Variants in SEC23A observed in about 807,000 individuals in gnomAD.
The protein encoded by SEC23A is protein transport protein Sec23A.
A neutral mutation model predicts 103.7 loss-of-function variants in SEC23A; 56 were observed. The ratio of observed to expected loss-of-function variants is 0.54; its 90% CI spans 0.44 to 0.67. The LOEUF (loss-of-function observed/expected upper bound fraction) is 0.67. Ranked by LOEUF, SEC23A falls within the 30% of genes least tolerant of loss-of-function variation. The pLI, the probability that SEC23A is intolerant of heterozygous loss-of-function variation, is 0.00. For missense variants in SEC23A, 784 were observed against 936.4 expected (o/e 0.84, Z 2.12); for synonymous variants, 281 against 293.0 (o/e 0.96, Z 0.42).
At chr14:39,092,762 G>C (rs546594285) in intron 3 of SEC23A, 135 bp from the exon 4 acceptor site, 5 of 618,970 alleles carry the variant, frequency 8.1e-6, no homozygotes, top group African/African-American at 1.9e-5. Flanking sequence ...ATAATTATTT[G>C]TATCTTTTTT....
At chr14:39,098,213 G>A (rs897312574) in intron 1 of SEC23A, among the ~76,000 whole-genome samples, 2 of 152,098 alleles carry the variant, frequency 1.3e-5, no homozygotes, top group Admixed American at 6.6e-5. Flanking sequence ...ATTCAGAGGA[G>A]AGTTAGAAGA....
At chr14:39,084,135 C>T (rs978815682) in intron 7 of SEC23A, among the ~76,000 whole-genome samples, 1 of 151,916 alleles carries the variant, frequency 6.6e-6, no homozygotes, top group Non-Finnish European at 1.5e-5. Context: ...GATTCTCCTG[C>T]CTCAGCCTCC....
intron 1 of SEC23A, among the ~76,000 whole-genome samples, chr14:39,102,383 A>C (rs778465609): frequency 6.6e-6 from 1 of 152,238 alleles, no homozygotes; most frequent in Non-Finnish European, 1.5e-5. Flanking sequence ...TGGACGGTAG[A>C]GGTTGAGGGA....
chr14:39,094,873 TAC>T, intron 2 of SEC23A: 1 of 622,952 alleles, frequency 1.6e-6, no homozygotes, highest in Non-Finnish European at 2.8e-6. Flanking sequence ...CAGAAATATA[TAC>T]AGAGGCTAGA....
rs59260008 is a variant in SEC23A at position 39,065,997 on chromosome 14, C to CAAAAAAAAAAAAAAAAAAAA, written c.1228-1024_1228-1005dup. On this transcript the variant is annotated intron_variant, in intron 10 of 19. Transcript: ENST00000307712. ...GGGCAATAAGAGCGAAACTCCATCTCAAAAAAAAAAAAAAAAAAAAAAAAA... is the reference window on the plus strand; with the variant it reads ...GGGCAATAAGAGCGAAACTCCATCTCAAAAAAAAAAAAAAAAAAAAAAAAAAAAAAAAAAAAAAAAAAAAA... Among the ~76,000 whole-genome samples the CAAAAAAAAAAAAAAAAAAAA allele has an allele frequency of 2.4e-4, 19 of 80,496 alleles. 1 individual carries two copies. Among genetic ancestry groups the CAAAAAAAAAAAAAAAAAAAA allele is most frequent in the Admixed American group, 5.8e-4 (4 of 6,936 alleles). 52.8% of individuals were successfully genotyped at this position (80,496 alleles called of 152,430 possible).
intron 13 of SEC23A, among the ~76,000 whole-genome samples, chr14:39,059,396 T>A (rs998600628): frequency 6.6e-6 from 1 of 150,736 alleles, no homozygotes; most frequent in Admixed American, 6.6e-5. Flanking sequence ...ATGCTATAAA[T>A]GGCACCATAA....
intron 14 of SEC23A, among the ~76,000 whole-genome samples, chr14:39,049,345 G>A (rs949183215): frequency 6.6e-6 from 1 of 151,534 alleles, no homozygotes; most frequent in Non-Finnish European, 1.5e-5. Context: ...GCATGGTGGT[G>A]CGCGCCTGTA....
intron 14 of SEC23A, among the ~76,000 whole-genome samples, chr14:39,050,407 G>A (rs533951705): frequency 1.2e-4 from 18 of 152,260 alleles, no homozygotes; most frequent in Middle Eastern, 3.4e-3. Flanking sequence ...TGACAAAAGC[G>A]GTATCTGTAA....
intron 15 of SEC23A, chr14:39,047,355 A>C (rs1357940748): frequency 7.8e-7 from 1 of 1,279,656 alleles, no homozygotes; most frequent in South Asian, 1.2e-5. Context: ...CAAAACAAAG[A>C]ATTTTACATG....
intron 7 of SEC23A, among the ~76,000 whole-genome samples, chr14:39,084,627 C>T (rs1173120163): frequency 6.6e-6 from 1 of 152,148 alleles, no homozygotes; most frequent in Admixed American, 6.6e-5. Context: ...CACACAGCTC[C>T]TAAAAGCCTT....
chr14:39,081,123 T>C (rs1887211378), intron 7 of SEC23A, among the ~76,000 whole-genome samples: 1 of 151,788 alleles, frequency 6.6e-6, no homozygotes, highest in Non-Finnish European at 1.5e-5. Flanking sequence ...GAGGACTGCT[T>C]GAGACCAGGA....
At chr14:39,045,126 G>A (rs770708421) in intron 16 of SEC23A, 37 bp downstream of exon 16, 5 of 1,590,448 alleles carry the variant, frequency 3.1e-6, no homozygotes, top group South Asian at 1.1e-5. Flanking sequence ...ACACATTGCA[G>A]TAACAAGACC....
intron 5 of SEC23A, among the ~76,000 whole-genome samples, chr14:39,087,227 T>C (rs1456442758): frequency 6.6e-6 from 1 of 152,168 alleles, no homozygotes; most frequent in Non-Finnish European, 1.5e-5. Context: ...AGGTGTTATA[T>C]AACCAAAGAG....
intron 14 of SEC23A, among the ~76,000 whole-genome samples, chr14:39,051,960 CCTT>C (rs1460800049): frequency 1.1e-5 from 1 of 89,878 alleles, no homozygotes; most frequent in East Asian, 4.0e-4. Context: ...AGGCGAGGCT[CCTT>C]CTCGAAAAAA....
chr14:39,101,154 AT>A (rs1379999320), intron 1 of SEC23A, among the ~76,000 whole-genome samples: 7 of 152,046 alleles, frequency 4.6e-5, no homozygotes, highest in East Asian at 3.9e-4. Flanking sequence ...ACTAGTCTTT[AT>A]TTTTTTTAAA....
intron 15 of SEC23A, among the ~76,000 whole-genome samples, chr14:39,046,204 C>CA (rs1291637455): frequency 1.3e-5 from 2 of 152,184 alleles, no homozygotes; most frequent in Admixed American, 1.3e-4. Flanking sequence ...CATGGTGGCT[C>CA]ACGCTTGTAA....
intron 15 of SEC23A, among the ~76,000 whole-genome samples, chr14:39,045,669 CTT>C (rs966509411): frequency 6.6e-6 from 1 of 152,056 alleles, no homozygotes; most frequent in African/African-American, 2.4e-5. Flanking sequence ...CATAACAAGA[CTT>C]TGTATTTAAA....
rs765978603 is a variant in SEC23A at position 39,074,536 on chromosome 14, A to G, written c.988-6T>C. ...TTAGCCAATGCTTCAAAATGCTACA[A>G]AAGATTTTCTTAATTAAAATAATAT... On this transcript the variant is annotated splice_region_variant and splice_polypyrimidine_tract_variant and intron_variant, in intron 8 of 19. Transcript: ENST00000307712. The G allele has an allele frequency of 1.3e-6, 2 of 1,564,588 alleles. No individual in the cohort carries two copies. Among genetic ancestry groups the G allele is most frequent in the East Asian group, 2.2e-5 (1 of 44,566 alleles).
At chr14:39,068,258 A>T (rs1886739834) in intron 9 of SEC23A, among the ~76,000 whole-genome samples, 1 of 152,136 alleles carries the variant, frequency 6.6e-6, no homozygotes, top group Non-Finnish European at 1.5e-5. Context: ...GGCTATGGAA[A>T]AACAGGCACT....
Sources: allele counts gnomAD v4.1 joint callset (sites outside exome capture counted in the v4.1 genomes callset), GRCh38; gene constraint gnomAD v4.1.1; transcripts MANE v1.5; gene names NCBI Gene and HGNC (gene_info 2026-07-23, HGNC 2026-07-21).